TGM3: variants seen among roughly 807,000 people sequenced by gnomAD.
TGM3 encodes the protein transglutaminase 3, also known as protein-glutamine gamma-glutamyltransferase E.
Under a neutral mutation model 73.8 loss-of-function variants are expected in TGM3, and 52 were observed. The observed-to-expected ratio is 0.70, with a 90% CI of 0.56 to 0.89. The LOEUF (loss-of-function observed/expected upper bound fraction) is 0.89. Ranked by LOEUF, TGM3 falls within the 40% of genes least tolerant of loss-of-function variation. The probability of loss-of-function intolerance (pLI) is 0.00; values close to 1 mark genes in which losing one functional copy is unlikely to be tolerated. For synonymous variants in TGM3, 372 were observed against 354.9 expected (o/e 1.05, Z -0.54); for missense variants, 928 against 909.9 (o/e 1.02, Z -0.26).
intron 9 of TGM3, among the ~76,000 whole-genome samples, chr20:2,331,720 C>T (rs140323772): frequency 9.9e-5 from 15 of 152,250 alleles, no homozygotes; most frequent in Admixed American, 5.9e-4. Flanking sequence ...ACCTAATTAA[C>T]GCAAGCAAAT....
intron 7 of TGM3, among the ~76,000 whole-genome samples, chr20:2,322,936 C>T (rs749309460): frequency 5.3e-5 from 8 of 152,148 alleles, no homozygotes; most frequent in Non-Finnish European, 1.2e-4. Flanking sequence ...ATAACACATA[C>T]ACCAAACTGT....
chr20:2,296,210 G>T (rs903546598), intron 1 of TGM3, 140 bp downstream of exon 1: 5 of 1,034,890 alleles, frequency 4.8e-6, no homozygotes, highest in Non-Finnish European at 7.2e-6. Context: ...ATTTTAGGGT[G>T]CTAGCCAGAG....
Position 2,325,936 on chromosome 20 carries a change from G to T in TGM3, c.1071G>T (p.Pro357=), listed in dbSNP as rs191199076. 4 of 1,593,726 alleles carry T rather than the reference G, an allele frequency of 2.5e-6. No homozygotes were observed. Among genetic ancestry groups the T allele is most frequent in the South Asian group, 2.3e-5 (2 of 87,888 alleles). Residue 357 remains proline (P), a synonymous_variant, in exon 8 of 13, where the codon CCG becomes CCT. Transcript: ENST00000381458. The stretch of plus-strand genomic sequence containing the variant: ...GATGGCAGGTGTTGGATGCTACCCC[G>T]CAGGAAAGAAGCCAAGGTAACTTCT... The part of the protein sequence containing the change: ...YGGWQVLDAT[P]QERSQGVFQC...
Position 2,310,420 on chromosome 20 carries a change from A to G in TGM3, c.421+3A>G. On this transcript the variant is annotated splice_donor_region_variant and intron_variant, in intron 3 of 12. Coordinates refer to ENST00000381458, the MANE Select transcript of TGM3 (RefSeq NM_003245.4). Reference sequence around the variant, plus strand: ...GCTTTTTAACCCCTGGCTGAATGGTAGGTGTCTAGCCACCCACACTCTCAG... The same window carrying G: ...GCTTTTTAACCCCTGGCTGAATGGTGGGTGTCTAGCCACCCACACTCTCAG... 6.2e-7 allele frequency: 1 copy of G among 1,614,082 alleles called. No individual in the cohort carries two copies. Among genetic ancestry groups the G allele is most frequent in the Non-Finnish European group, 8.5e-7 (1 of 1,179,928 alleles).
intron 12 of TGM3, 21 bp downstream of exon 12, chr20:2,340,008 GCCGGTGCAGGA>G: frequency 6.4e-7 from 1 of 1,560,548 alleles, no homozygotes; most frequent in East Asian, 2.3e-5. Flanking sequence ...GGCCTAAGTG[GCCGGTGCAGGA>G]GGGCGGGAGG....
chr20:2,338,216 G>T (rs1171171327), intron 11 of TGM3, among the ~76,000 whole-genome samples: 3 of 152,156 alleles, frequency 2.0e-5, no homozygotes, highest in African/African-American at 4.8e-5. Context: ...TCTGAACATT[G>T]TTTCCAAAGG....
intron 4 of TGM3, among the ~76,000 whole-genome samples, chr20:2,312,432 C>T (rs1239997023): frequency 2.2e-5 from 3 of 135,298 alleles, no homozygotes; most frequent in Non-Finnish European, 4.7e-5. Context: ...GGATGGGAGG[C>T]AGAGCTAGAA....
intron 4 of TGM3, among the ~76,000 whole-genome samples, chr20:2,312,403 A>G (rs1488143648): frequency 6.7e-6 from 1 of 149,740 alleles, no homozygotes; most frequent in Non-Finnish European, 1.5e-5. Context: ...TCTCAAAAAA[A>G]AAAAAAAAAA....
intron 8 of TGM3, among the ~76,000 whole-genome samples, chr20:2,327,314 C>CAA (rs1332804892): frequency 3.3e-4 from 48 of 143,702 alleles, no homozygotes; most frequent in African/African-American, 1.2e-3. Flanking sequence ...ACTAAAATTA[C>CAA]AAAAAAAAAA....
chr20:2,298,922 G>A (rs1170179792), intron 1 of TGM3, among the ~76,000 whole-genome samples: 1 of 152,042 alleles, frequency 6.6e-6, no homozygotes, highest in Non-Finnish European at 1.5e-5. Flanking sequence ...CGGCTCCATG[G>A]CCTTCTTCCA....
chr20:2,304,350 T>A (rs1038790276), intron 1 of TGM3, among the ~76,000 whole-genome samples: 1 of 152,290 alleles, frequency 6.6e-6, no homozygotes, highest in South Asian at 2.1e-4. Context: ...GGAAGCTTGA[T>A]GAGCACGCTC....
rs1008879276 is a variant in TGM3 at position 2,311,137 on chromosome 20, G to A, written c.540+8G>A. ...GGCTGGAACTTTGGACAGGTAAAAGGGTCATAAGGAAGCTAAGGGTAATGT... is the reference window on the plus strand; with the variant it reads ...GGCTGGAACTTTGGACAGGTAAAAGAGTCATAAGGAAGCTAAGGGTAATGT... On this transcript the variant is annotated splice_region_variant and intron_variant, in intron 4 of 12. Coordinates refer to ENST00000381458, the MANE Select transcript of TGM3 (RefSeq NM_003245.4). 6.2e-7 allele frequency: 1 copy of A among 1,611,910 alleles called. No individual in the cohort carries two copies. The highest frequency in any genetic ancestry group is 8.5e-7 in the Non-Finnish European group (1 of 1,178,058).
intron 2 of TGM3, 91 bp downstream of exon 2, chr20:2,309,921 C>T: frequency 6.5e-7 from 1 of 1,539,308 alleles, no homozygotes; most frequent in South Asian, 1.2e-5. Context: ...ACTGGGGCCA[C>T]TGGCATTGGG....
At chr20:2,336,100 G>A (rs1600709871) in intron 11 of TGM3, among the ~76,000 whole-genome samples, 1 of 152,314 alleles carries the variant, frequency 6.6e-6, no homozygotes, top group East Asian at 1.9e-4. Context: ...AGGAGCCCAG[G>A]AAGGTGGGGC....
At chr20:2,330,579 C>G (rs1018614332) in intron 9 of TGM3, among the ~76,000 whole-genome samples, 8 of 152,254 alleles carry the variant, frequency 5.3e-5, no homozygotes, top group African/African-American at 1.9e-4. Flanking sequence ...CAGTCCATCT[C>G]AGAGTGGTCT....
In TGM3 at chr20:2,332,894, A is replaced by G. The variant is rs1187308092; in HGVS notation, c.1642+584A>G. On this transcript the variant is annotated intron_variant, in intron 10 of 12. Transcript: ENST00000381458. The surrounding 1 kb of genome is among the most constrained non-coding windows in gnomAD (Gnocchi z 4.4). ...ACCACGGGACCCTAAACCTTGGCCC[A>G]TGGCCCTCCCACAGCTGCCACGGGG... 6.6e-6 allele frequency among the ~76,000 whole-genome samples: 1 copy of G among 152,216 alleles called. No homozygotes were observed. The highest frequency in any genetic ancestry group is 1.5e-5 in the Non-Finnish European group (1 of 68,042).
rs76587047 is a variant in TGM3, at chr20:2,306,428, G to C, written c.8-3229G>C. On this transcript the variant is annotated intron_variant, in intron 1 of 12. Coordinates refer to ENST00000381458, the MANE Select transcript of TGM3 (RefSeq NM_003245.4). ...TTTCCTAAAAATATATATTTCCAGA[G>C]GTTCTTATTTGAGAGGTCTTCTTTT... Among the ~76,000 whole-genome samples, 225 of 151,304 alleles carry C rather than the reference G, an allele frequency of 1.5e-3. 4 individuals carry two copies. The highest frequency in any genetic ancestry group is 5.8e-4 in the Non-Finnish European group (39 of 67,820).
intron 7 of TGM3, among the ~76,000 whole-genome samples, chr20:2,323,260 T>C (rs142712690): frequency 9.9e-5 from 15 of 152,244 alleles, no homozygotes; most frequent in Non-Finnish European, 2.2e-4. Context: ...GTCATTCTTA[T>C]GCCTTTGCAT....
intron 5 of TGM3, among the ~76,000 whole-genome samples, chr20:2,314,454 A>G (rs1167366765): frequency 6.6e-6 from 1 of 151,638 alleles, no homozygotes; most frequent in Non-Finnish European, 1.5e-5. Flanking sequence ...GGACTTTGGG[A>G]GGCTAAGGCA....
Sources: allele counts gnomAD v4.1 joint callset (sites outside exome capture counted in the v4.1 genomes callset), GRCh38; gene constraint gnomAD v4.1.1; non-coding constraint Gnocchi (gnomAD v3.1); transcripts MANE v1.5; gene names NCBI Gene and HGNC (gene_info 2026-07-23, HGNC 2026-07-21).